The following FBXO21 variants were observed in gnomAD, a reference collection of about 807,000 sequenced individuals.
FBXO21 encodes the protein F-box only protein 21.
A neutral mutation model predicts 76.6 loss-of-function variants in FBXO21; 32 were observed. That is an observed-to-expected ratio of 0.42 (90% confidence interval 0.32 to 0.56). The LOEUF is 0.56. Among genes scored for constraint, FBXO21 ranks in the 20% least tolerant of loss-of-function variants. The probability of loss-of-function intolerance (pLI) is 0.16; values close to 1 mark genes in which losing one functional copy is unlikely to be tolerated. For synonymous variants in FBXO21, 328 were observed against 311.5 expected (o/e 1.05, Z -0.56); for missense variants, 586 against 797.3 (o/e 0.73, Z 3.19).
chr12:117,152,624 A>C (rs1258634467), intron 11 of FBXO21, among the ~76,000 whole-genome samples: 3 of 152,092 alleles, frequency 2.0e-5, no homozygotes, highest in African/African-American at 7.2e-5. Context: ...TTCTGGTTGG[A>C]TACTGATTTT....
intron 4 of FBXO21, among the ~76,000 whole-genome samples, chr12:117,175,724 T>C (rs1002914319): frequency 3.9e-5 from 6 of 152,206 alleles, no homozygotes; most frequent in African/African-American, 1.4e-4. Flanking sequence ...AATGCTATGA[T>C]TCCCAGACTT....
chr12:117,160,366 G>C (rs138841456), intron 9 of FBXO21, among the ~76,000 whole-genome samples: 1 of 152,200 alleles, frequency 6.6e-6, no homozygotes, highest in African/African-American at 2.4e-5. Flanking sequence ...GCTTTCTTGA[G>C]ATCCATTGTC....
chr12:117,156,891 T>C (rs1385884143), intron 10 of FBXO21, among the ~76,000 whole-genome samples: 2 of 151,960 alleles, frequency 1.3e-5, no homozygotes, highest in Non-Finnish European at 2.9e-5. Flanking sequence ...TAGAAAAAAA[T>C]ACACGAAATG....
At chr12:117,162,738 A>G (rs1955996411) in intron 9 of FBXO21, among the ~76,000 whole-genome samples, 1 of 152,024 alleles carries the variant, frequency 6.6e-6, no homozygotes, top group African/African-American at 2.4e-5. Context: ...CTGGTCTCAC[A>G]CTCCGTAACA....
intron 2 of FBXO21, 87 bp downstream of exon 2, chr12:117,189,140 C>G: frequency 6.7e-7 from 1 of 1,487,160 alleles, no homozygotes; most frequent in Admixed American, 1.7e-5. Flanking sequence ...AAGGGAGATA[C>G]GAAAAGAGCT....
chr12:117,149,164 A>C (rs1341104049), intron 11 of FBXO21, among the ~76,000 whole-genome samples: 1 of 151,510 alleles, frequency 6.6e-6, no homozygotes, highest in African/African-American at 2.4e-5. Context: ...TGGCCTTTGG[A>C]TTTTCTTTTC....
intron 10 of FBXO21, among the ~76,000 whole-genome samples, chr12:117,156,890 A>G (rs567203476): frequency 1.3e-5 from 2 of 152,350 alleles, no homozygotes; most frequent in East Asian, 3.9e-4. Flanking sequence ...ATAGAAAAAA[A>G]TACACGAAAT....
intron 3 of FBXO21, among the ~76,000 whole-genome samples, chr12:117,178,687 T>C (rs1327261346): frequency 6.6e-6 from 1 of 151,952 alleles, no homozygotes; most frequent in Non-Finnish European, 1.5e-5. Flanking sequence ...GCCTGGAACA[T>C]TCTCTCCAGA....
chr12:117,169,136 T>G lies in FBXO21; in HGVS notation c.1014-2059A>C, dbSNP rs137893993. On this transcript the variant is annotated intron_variant, in intron 7 of 11. Transcript: ENST00000622495. ...GACACATATACACTATGGAATACTA[T>G]GTAGCCACAAAAAAGAACAAGATTA... Among the ~76,000 whole-genome samples the G allele has an allele frequency of 8.8e-3, 1,336 of 152,314 alleles. 13 individuals carry two copies. Among genetic ancestry groups the G allele is most frequent in the African/African-American group, 0.031 (1,269 of 41,564 alleles).
intron 2 of FBXO21, among the ~76,000 whole-genome samples, chr12:117,187,360 C>T (rs1292011875): frequency 1.5e-5 from 2 of 129,188 alleles, no homozygotes; most frequent in Middle Eastern, 4.9e-3. Flanking sequence ...GCAGAGGTTG[C>T]GGTAAGCTGA....
At chr12:117,149,453 G>A (rs751949633) in intron 11 of FBXO21, among the ~76,000 whole-genome samples, 1 of 152,172 alleles carries the variant, frequency 6.6e-6, no homozygotes, top group Non-Finnish European at 1.5e-5. Context: ...CAGAATTCAA[G>A]CAGGTAGTTT....
At position 117,177,517 on chromosome 12, in the gene FBXO21, C is replaced by G. The variant is rs372532664; in HGVS notation, c.592+3G>C. 59 of 1,611,202 alleles carry G rather than the reference C, an allele frequency of 3.7e-5. No individual in the cohort carries two copies. Among genetic ancestry groups the G allele is most frequent in the Middle Eastern group, 1.6e-4 (1 of 6,064 alleles). On this transcript the variant is annotated splice_donor_region_variant and intron_variant, in intron 4 of 11. Transcript: ENST00000622495. ...CTGTCCACATATATGGGAAAAGACC[C>G]ACCTTCAAGATACGACTCATAGTCA...
At chr12:117,167,140 A>G in intron 7 of FBXO21, 63 bp from the exon 8 acceptor site, 5 of 1,245,912 alleles carry the variant, frequency 4.0e-6, no homozygotes, top group Non-Finnish European at 4.6e-6. Context: ...TCTCCACAGT[A>G]AGTAGCTCAA....
At chr12:117,189,804 G>A (rs1956325985) in intron 1 of FBXO21, among the ~76,000 whole-genome samples, 1 of 152,214 alleles carries the variant, frequency 6.6e-6, no homozygotes, top group Admixed American at 6.5e-5. Context: ...GAGGGAGTGT[G>A]CAGGGCCAGA....
At chr12:117,146,555 A>G (rs965402220) in intron 11 of FBXO21, among the ~76,000 whole-genome samples, 2 of 152,202 alleles carry the variant, frequency 1.3e-5, no homozygotes, top group African/African-American at 2.4e-5. Context: ...GCAAAACTCC[A>G]AAGGTCTCTT....
rs1240279174 is a variant in FBXO21, at chr12:117,185,164, CAA to C, written c.470+1311_470+1312del. Among the ~76,000 whole-genome samples, 5 of 152,150 alleles carry C rather than the reference CAA, an allele frequency of 3.3e-5. No homozygotes were observed. In the East Asian group the frequency reaches 9.6e-4, roughly 29 times the overall value. The stretch of plus-strand genomic sequence containing the variant: ...AAGTACATATGCACATTAAAAAACA[CAA>C]GTCAGCTTTTATTTTTAAGACTGCA... On this transcript the variant is annotated intron_variant, in intron 3 of 11. Coordinates refer to ENST00000622495, the MANE Select transcript of FBXO21 (RefSeq NM_015002.3).
Position 117,187,498 on chromosome 12 carries a change from T to C in FBXO21, c.376-927A>G, listed in dbSNP as rs145519765. Among the ~76,000 whole-genome samples the C allele has an allele frequency of 3.1e-3, 461 of 150,830 alleles. 2 individuals are homozygous for C. Among genetic ancestry groups the C allele is most frequent in the African/African-American group, 0.01 (425 of 41,120 alleles). ...CTTCTCTCAGTTTTCTTTTTGCAAG[T>C]AGCCAGAACATTTCAGGTCAACCTG... On this transcript the variant is annotated intron_variant, in intron 2 of 11. Transcript: ENST00000622495.
Position 117,190,301 on chromosome 12 carries a change from G to A in FBXO21, c.156C>T (p.Ile52=). The change falls in exon 1 of 12, where the codon ATC becomes ATT. Residue 52 remains isoleucine (I), a synonymous_variant. Transcript: ENST00000622495. ...GCCGGCAGGTGCTGGAGACACGGCC[G>A]ATGTCGGCGGCCGTCAGCGAGCCGC... ...LCCGSLTAAD[I]GRVSSTCRRL... is the part of the protein sequence containing the mutation. The A allele has an allele frequency of 3.3e-6, 5 of 1,531,280 alleles. No individual in the cohort carries two copies. The highest frequency in any genetic ancestry group is 4.3e-6 in the Non-Finnish European group (5 of 1,150,106). The allele number at this position is 1,531,280 out of a possible 1,614,324, so 94.9% of individuals were successfully genotyped here.
At chr12:117,158,709 G>C (rs1332236687) in intron 9 of FBXO21, among the ~76,000 whole-genome samples, 1 of 152,130 alleles carries the variant, frequency 6.6e-6, no homozygotes, top group Non-Finnish European at 1.5e-5. Context: ...CACTTCAGTG[G>C]TCTTAACTCA....
Sources: allele counts gnomAD v4.1 joint callset (sites outside exome capture counted in the v4.1 genomes callset), GRCh38; gene constraint gnomAD v4.1.1; transcripts MANE v1.5; gene names NCBI Gene and HGNC (gene_info 2026-07-23, HGNC 2026-07-21).